Variants in LRRC57 observed in about 807,000 individuals in gnomAD.
LRRC57 encodes the protein leucine rich repeat containing 57.
Under a neutral mutation model 23.1 loss-of-function variants are expected in LRRC57, and 14 were observed. The ratio of observed to expected loss-of-function variants is 0.61; its 90% CI spans 0.40 to 0.95. LRRC57 has a LOEUF of 0.95. Among genes scored for constraint, LRRC57 ranks in the 40% least tolerant of loss-of-function variants. The probability of loss-of-function intolerance (pLI) is 0.00; values close to 1 mark genes in which losing one functional copy is unlikely to be tolerated. For synonymous variants in LRRC57, 106 were observed against 115.2 expected (o/e 0.92, Z 0.51); for missense variants, 236 against 284.4 (o/e 0.83, Z 1.22).
chr15:42,541,862 C>T lies in LRRC57; in HGVS notation c.*2221G>A, dbSNP rs1161064870. 1 of 151,618 alleles carries T rather than the reference C, an allele frequency of 6.6e-6. No individual in the cohort carries two copies. Among genetic ancestry groups the T allele is most frequent in the Non-Finnish European group, 1.5e-5 (1 of 67,962 alleles). The allele number at this position is 151,618 out of a possible 1,614,324, so 9.4% of individuals were successfully genotyped here. ...GCAAGCTCCGCCTCCCGGGTTCACG[C>T]CATTCTCCTGCCTCAGCCTCCCATG... is the stretch of plus-strand genomic sequence containing the variant. On this transcript the variant is annotated 3_prime_UTR_variant, in exon 6 of 6. Coordinates refer to ENST00000397130, the MANE Select transcript of LRRC57 (RefSeq NM_153260.3).
chr15:42,547,972 T>G, intron 3 of LRRC57, 134 bp downstream of exon 3: 2 of 802,338 alleles, frequency 2.5e-6, no homozygotes, highest in South Asian at 3.5e-5. Context: ...GAAAGAAGGC[T>G]TCAAGGATTC....
intron 5 of LRRC57, among the ~76,000 whole-genome samples, chr15:42,544,841 A>AATATATATATATATATATATATATAT (rs767685010): frequency 9.4e-6 from 1 of 106,600 alleles, no homozygotes; most frequent in Non-Finnish European, 1.9e-5. Context: ...ACACACACAC[A>AATATATATATATATATATATATATAT]CTATATATAT....
rs1270063695 is a variant in LRRC57, at chr15:42,537,876, A to C, written c.*6207T>G. The C allele has an allele frequency of 6.6e-6, 1 of 152,216 alleles. No individual in the cohort carries two copies. The highest frequency in any genetic ancestry group is 1.5e-5 in the Non-Finnish European group (1 of 68,046). 9.4% of individuals were successfully genotyped at this position (152,216 alleles called of 1,614,324 possible). ...TTATTTCATGGAGGTAGAGAGTAGA[A>C]TGATAGTTACCAGAGGCTGGGTAGT... is the stretch of plus-strand genomic sequence containing the variant. On this transcript the variant is annotated 3_prime_UTR_variant, in exon 6 of 6. Transcript: ENST00000397130.
chr15:42,529,847 A>G, the LRRC57 span: 1 of 1,608,774 alleles, frequency 6.2e-7, no homozygotes, highest in Non-Finnish European at 8.5e-7. Flanking sequence ...CCACAAGAAA[A>G]TGAGACACCC....
Position 42,547,469 on chromosome 15 carries a change from T to C in LRRC57, c.284A>G (p.Asn95Ser), listed in dbSNP as rs762279497. The change falls in exon 4 of 6, where the codon AAT becomes AGT. Residue 95 changes from asparagine to serine, a missense_variant. Physicochemically the swap from Asn to Ser is conservative, Grantham distance 46. Transcript: ENST00000397130. The stretch of plus-strand genomic sequence containing the variant: ...GGTAGACGGCAGCTCTCTAAGGTGA[T>C]TGTTGTTTAGGCTTAGCGTCTCTAG... ...KKLETLSLNN[N>S]HLRELPSTFG... 11 of 1,613,952 alleles carry C rather than the reference T, an allele frequency of 6.8e-6. No individual in the cohort carries two copies. Among genetic ancestry groups the C allele is most frequent in the African/African-American group, 4.0e-5 (3 of 74,924 alleles).
chr15:42,548,397 G>A lies in LRRC57; in HGVS notation c.38C>T (p.Ala13Val), dbSNP rs779136301. 8.7e-6 allele frequency: 14 copies of A among 1,614,024 alleles called. No individual in the cohort carries two copies. Among genetic ancestry groups the A allele is most frequent in the Non-Finnish European group, 1.2e-5 (14 of 1,180,048 alleles). The change falls in exon 2 of 6, where the codon GCG (alanine) becomes GTG (valine). Residue 13 changes from alanine (A) to valine (V), a missense_variant. Transcript: ENST00000397130. The stretch of plus-strand genomic sequence containing the variant: ...AAGCTGAAAGACACCAGTTTTCTGC[G>A]CCGTTTCCACATGAGCGCGGAGCGC... ...NSALRAHVETAQKTGVFQLKD... is the reference protein window; with the variant it reads ...NSALRAHVETVQKTGVFQLKD...
the LRRC57 span, chr15:42,532,619 C>G: frequency 6.6e-6 from 1 of 152,558 alleles, no homozygotes; most frequent in Non-Finnish European, 1.5e-5. Flanking sequence ...GAGAATTTCT[C>G]TCTAAAGCAG....
At chr15:42,544,986 T>C in intron 5 of LRRC57, 91 bp downstream of exon 5, 1 of 984,322 alleles carries the variant, frequency 1.0e-6, no homozygotes, top group Non-Finnish European at 1.5e-6. Context: ...ACAAATCCTG[T>C]TGACATGAGC....
chr15:42,540,318 A>G lies in LRRC57; in HGVS notation c.*3765T>C, dbSNP rs543173187. 1.3e-5 allele frequency: 2 copies of G among 152,304 alleles called. No individual in the cohort carries two copies. The highest frequency in any genetic ancestry group is 4.8e-5 in the African/African-American group (2 of 41,556). The allele number at this position is 152,304 out of a possible 1,614,324, so 9.4% of individuals were successfully genotyped here. A position where few individuals can be genotyped will look rare whatever the true frequency, so the allele number is the denominator to read the frequency against. On this transcript the variant is annotated 3_prime_UTR_variant, in exon 6 of 6. Transcript: ENST00000397130. The stretch of plus-strand genomic sequence containing the variant: ...AATATTTGAGCGGGAAAATGCCTCA[A>G]ATTTCTAAAAAACAAAACCTTAATT...
At chr15:42,532,745 A>C in the LRRC57 span, 1 of 152,680 alleles carries the variant, frequency 6.5e-6, no homozygotes, top group Non-Finnish European at 1.5e-5. Context: ...CCTCAGGTAG[A>C]AAAATAGATT....
chr15:42,548,775 C>A lies in LRRC57; in HGVS notation c.-105G>T, dbSNP rs968338983. ...CCGGGATGCGCTCCCCGGCTTAGTC[C>A]CGGGCGGGAACGCCCTGTGACGTCA... is the stretch of plus-strand genomic sequence containing the variant. On this transcript the variant is annotated 5_prime_UTR_variant, in exon 1 of 6. Transcript: ENST00000397130. The A allele has an allele frequency of 1.5e-5, 13 of 883,302 alleles. No homozygotes were observed. The African/African-American group carries it at 1.8e-4, about 12-fold the overall frequency. 54.7% of individuals were successfully genotyped at this position (883,302 alleles called of 1,614,324 possible). A position where few individuals can be genotyped will look rare whatever the true frequency, so the allele number is the denominator to read the frequency against.
the LRRC57 span, chr15:42,532,472 T>A: frequency 1.3e-5 from 2 of 152,306 alleles, no homozygotes; most frequent in Non-Finnish European, 2.9e-5. Flanking sequence ...ATTGCACCAT[T>A]CAGGAACACT....
At chr15:42,528,390 C>T in the LRRC57 span, 84 of 1,614,154 alleles carry the variant, frequency 5.2e-5, no homozygotes, top group African/African-American at 6.4e-4. Flanking sequence ...CAACCAACAA[C>T]GGGAGCAGCC....
the LRRC57 span, chr15:42,532,291 A>T: frequency 4.6e-5 from 7 of 152,060 alleles, no homozygotes; most frequent in East Asian, 1.4e-3. Context: ...GGGTTTCACC[A>T]TGTCAAGCTG....
intron 4 of LRRC57, among the ~76,000 whole-genome samples, chr15:42,545,796 T>C (rs2141580140): frequency 6.6e-6 from 1 of 152,304 alleles, no homozygotes; most frequent in African/African-American, 2.4e-5. Context: ...GATTCTTCCT[T>C]ACTTCTCTTG....
chr15:42,545,314 G>T, intron 4 of LRRC57, 52 bp from the exon 5 acceptor site: 1 of 1,283,650 alleles, frequency 7.8e-7, no homozygotes, highest in South Asian at 1.6e-5. Context: ...CACTATACTG[G>T]TTACTTTTAG....
In LRRC57 at chr15:42,544,842, C is replaced by CACAATATATATATATATATATA; in HGVS notation, c.678+234_678+235insTATATATATATATATATATTGT. Among the ~76,000 whole-genome samples the CACAATATATATATATATATATA allele has an allele frequency of 7.1e-5, 7 of 98,034 alleles. 1 individual carries two copies. Among genetic ancestry groups the CACAATATATATATATATATATA allele is most frequent in the African/African-American group, 4.0e-4 (6 of 15,028 alleles). 64.3% of individuals were successfully genotyped at this position (98,034 alleles called of 152,430 possible). On this transcript the variant is annotated intron_variant, in intron 5 of 5. Transcript: ENST00000397130. ...ACACACACACACACACACACACACA[C>CACAATATATATATATATATATA]TATATATATATATATATCAAAAGAC...
chr15:42,535,703 C>A (rs112886385), downstream of LRRC57, among the ~76,000 whole-genome samples: 1 of 152,248 alleles, frequency 6.6e-6, no homozygotes, highest in East Asian at 1.9e-4. Context: ...TGTGAGCCAA[C>A]GCGCCCGGCT....
At chr15:42,533,080 T>C (rs1032521006), downstream of LRRC57, 2 of 152,630 alleles carry the variant, frequency 1.3e-5, no homozygotes. Context: ...TTCTTTCAAA[T>C]AGGTAACATG....
Sources: gnomAD v4.1 joint callset for allele counts (sites outside exome capture counted in the v4.1 genomes callset) on GRCh38, gnomAD v4.1.1 for gene constraint, MANE v1.5 for transcripts, NCBI Gene and HGNC (gene_info 2026-07-23, HGNC 2026-07-21) for gene names.